The following AKAP6 variants were observed in gnomAD, a reference collection of about 807,000 sequenced individuals.
AKAP6 encodes the protein A-kinase anchoring protein 6.
A neutral mutation model predicts 188.5 loss-of-function variants in AKAP6; 58 were observed. That is an observed-to-expected ratio of 0.31 (90% CI 0.25 to 0.38). The LOEUF (loss-of-function observed/expected upper bound fraction) is 0.38, where lower values mean the gene tolerates loss of function less well. Among genes scored for constraint, AKAP6 ranks in the 10% least tolerant of loss-of-function variants. The pLI is 1.00. For missense variants in AKAP6, 2,710 were observed against 2,740.0 expected (o/e 0.99, Z 0.24); for synonymous variants, 989 against 998.6 (o/e 0.99, Z 0.18).
chr14:32,788,269 A>T (rs759410193), intron 12 of AKAP6, among the ~76,000 whole-genome samples: 9 of 152,162 alleles, frequency 5.9e-5, no homozygotes, highest in Admixed American at 1.3e-4. Context: ...CTGTGTGATC[A>T]TGGCAAATTA....
chr14:32,736,936 T>A (rs2300833), intron 11 of AKAP6, among the ~76,000 whole-genome samples: 35,050 of 152,014 alleles, frequency 0.23, 4,407 homozygotes, highest in East Asian at 0.45. Context: ...CCTGTAAATT[T>A]GCTTTCATTG....
At chr14:32,813,142 A>G (rs1420174297) in intron 12 of AKAP6, among the ~76,000 whole-genome samples, 1 of 152,132 alleles carries the variant, frequency 6.6e-6, no homozygotes, top group Non-Finnish European at 1.5e-5. Context: ...AGGTTATTCT[A>G]GCCATAACTT....
chr14:32,642,560 G>A (rs992865679), intron 7 of AKAP6, among the ~76,000 whole-genome samples: 1 of 151,944 alleles, frequency 6.6e-6, no homozygotes, highest in Admixed American at 6.6e-5. Flanking sequence ...TTAAAATTAG[G>A]CATCTCATTT....
intron 7 of AKAP6, among the ~76,000 whole-genome samples, chr14:32,637,418 G>A (rs887972482): frequency 2.0e-5 from 3 of 152,060 alleles, no homozygotes; most frequent in Non-Finnish European, 4.4e-5. Flanking sequence ...AGAAAAGATA[G>A]ATGACTCTAA....
chr14:32,692,459 T>C (rs1463938501), intron 8 of AKAP6, among the ~76,000 whole-genome samples: 3 of 152,226 alleles, frequency 2.0e-5, no homozygotes, highest in Non-Finnish European at 2.9e-5. Flanking sequence ...GCAATTAACA[T>C]TGATTTAACA....
intron 3 of AKAP6, among the ~76,000 whole-genome samples, chr14:32,539,283 G>A (rs758440823): frequency 2.0e-5 from 3 of 152,170 alleles, no homozygotes; most frequent in Non-Finnish European, 4.4e-5. Flanking sequence ...AACTTACCAT[G>A]TGCTAGATGG....
intron 7 of AKAP6, among the ~76,000 whole-genome samples, chr14:32,631,800 TAAG>T (rs1395761856): frequency 3.9e-5 from 6 of 152,098 alleles, no homozygotes; most frequent in Admixed American, 1.3e-4. Flanking sequence ...GTAAAGGTCT[TAAG>T]AAAGCAAATA....
At chr14:32,359,404 A>T (rs1887586118) in intron 1 of AKAP6, among the ~76,000 whole-genome samples, 1 of 152,156 alleles carries the variant, frequency 6.6e-6, no homozygotes, top group African/African-American at 2.4e-5. Context: ...TTTATTTTAA[A>T]ATAATTTTAT....
chr14:32,593,412 C>T (rs872925), intron 5 of AKAP6, among the ~76,000 whole-genome samples: 4,519 of 152,274 alleles, frequency 0.03, 199 homozygotes, highest in African/African-American at 0.1. Flanking sequence ...GAAGCTTACA[C>T]TGCTCTTCAC....
At chr14:32,786,405 G>T (rs4981161) in intron 12 of AKAP6, among the ~76,000 whole-genome samples, 99,019 of 146,072 alleles carry the variant, frequency 0.68, 33,755 homozygotes, top group East Asian at 0.79. Context: ...CCTCCCAGGT[G>T]CATGCCATTC....
chr14:32,715,060 G>A (rs2030113623), intron 9 of AKAP6, among the ~76,000 whole-genome samples: 1 of 151,776 alleles, frequency 6.6e-6, no homozygotes, highest in South Asian at 2.1e-4. Context: ...ATGGTCGAAG[G>A]CAGATTCATA....
intron 2 of AKAP6, among the ~76,000 whole-genome samples, chr14:32,514,676 G>A (rs1881428744): frequency 6.6e-6 from 1 of 152,088 alleles, no homozygotes; most frequent in Non-Finnish European, 1.5e-5. Flanking sequence ...ACTGCTAATG[G>A]ATATTGATAG....
At chr14:32,502,966 TA>T (rs1345757774) in intron 2 of AKAP6, among the ~76,000 whole-genome samples, 1 of 152,166 alleles carries the variant, frequency 6.6e-6, no homozygotes, top group East Asian at 1.9e-4. Context: ...GTAGAATTGC[TA>T]GTCAATATAT....
In AKAP6 at chr14:32,483,011, A is replaced by ATGTGTGTGTGTGTG. The variant is rs145844305; in HGVS notation, c.324+49197_324+49198insGTGTGTGTGTGTGT. Among the ~76,000 whole-genome samples the ATGTGTGTGTGTGTG allele has an allele frequency of 1.8e-4, 27 of 148,384 alleles. No individual in the cohort carries two copies. The East Asian group carries it at 3.3e-3, about 18-fold the overall frequency. On this transcript the variant is annotated intron_variant, in intron 2 of 13. Coordinates refer to ENST00000280979, the MANE Select transcript of AKAP6 (RefSeq NM_004274.5). ...TGTGTATATATATATATATATATAT[A>ATGTGTGTGTGTGTG]TGTATCTTGCATTGGTAATTTTGTT... is the stretch of plus-strand genomic sequence containing the variant.
intron 12 of AKAP6, among the ~76,000 whole-genome samples, chr14:32,803,104 A>G (rs1392294103): frequency 1.3e-5 from 2 of 152,096 alleles, no homozygotes; most frequent in African/African-American, 4.8e-5. Context: ...AAGATTTTTT[A>G]GATCTGTCTT....
chr14:32,335,615 G>T (rs878963255), intron 1 of AKAP6, among the ~76,000 whole-genome samples: 1 of 152,118 alleles, frequency 6.6e-6, no homozygotes, highest in Admixed American at 6.6e-5. Context: ...AAGATATTTG[G>T]TAGGTGAGGT....
At position 32,464,995 on chromosome 14, in the gene AKAP6, A is replaced by G. The variant is rs559938256; in HGVS notation, c.324+31178A>G. ...GAGTGAACTCCCATTCACAACTGCT[A>G]CAAAGAGAATAAAATACCAAGAAAT... On this transcript the variant is annotated intron_variant, in intron 2 of 13. Coordinates refer to ENST00000280979, the MANE Select transcript of AKAP6 (RefSeq NM_004274.5). Among the ~76,000 whole-genome samples the G allele has an allele frequency of 1.3e-3, 191 of 152,310 alleles. 1 individual carries two copies. Among genetic ancestry groups the G allele is most frequent in the African/African-American group, 4.3e-3 (180 of 41,580 alleles).
intron 2 of AKAP6, among the ~76,000 whole-genome samples, chr14:32,510,377 T>TGA: frequency 1.7e-5 from 1 of 57,798 alleles, no homozygotes; most frequent in African/African-American, 9.9e-5. Context: ...TGTATATATA[T>TGA]GTGTATATAT....
Position 32,732,530 on chromosome 14 carries a change from G to A in AKAP6, c.3077G>A (p.Gly1026Asp). The A allele has an allele frequency of 6.2e-7, 1 of 1,613,590 alleles. No individual in the cohort carries two copies. Among genetic ancestry groups the A allele is most frequent in the Non-Finnish European group, 8.5e-7 (1 of 1,179,674 alleles). ...AGTAAGGTTGAAGCTTTGAAGAAAG[G>A]TGGCGTTTTACTACCAAATGATCTC... is the stretch of plus-strand genomic sequence containing the variant. ...LLSKVEALKK[G>D]GVLLPNDLLE... The change falls in exon 10 of 14, where the codon GGT (glycine) becomes GAT (aspartate). Residue 1026 changes from glycine (G) to aspartate (D), a missense_variant. Physicochemically the swap from Gly to Asp is moderately conservative, Grantham distance 94. Coordinates refer to ENST00000280979, the MANE Select transcript of AKAP6 (RefSeq NM_004274.5).
Sources: gnomAD v4.1 joint callset for allele counts (sites outside exome capture counted in the v4.1 genomes callset) on GRCh38, gnomAD v4.1.1 for gene constraint, MANE v1.5 for transcripts, NCBI Gene and HGNC (gene_info 2026-07-23, HGNC 2026-07-21) for gene names.